The following ZNF334 variants were observed in gnomAD, a reference collection of about 807,000 sequenced individuals.
The protein encoded by ZNF334 is zinc finger protein 334.
In ZNF334, 14 loss-of-function variants were observed where a neutral mutation model predicts 12.4. The observed-to-expected ratio is 1.13, with a 90% CI of 0.74 to 1.76. The LOEUF (loss-of-function observed/expected upper bound fraction) is 1.76, where lower values mean the gene tolerates loss of function less well. Among genes scored for constraint, ZNF334 ranks in the 40% most tolerant of loss-of-function variants. The pLI is 0.00. For missense variants in ZNF334, 797 were observed against 804.5 expected (o/e 0.99, Z 0.11); for synonymous variants, 273 against 269.6 (o/e 1.01, Z -0.12).
chr20:46,504,642 C>G lies in ZNF334; in HGVS notation c.120G>C (p.Leu40=). Reference sequence around the variant, plus strand: ...CAGAGACCAAGTTGCTGTAGTTCTCCAGCATCACATCCCTGTACAGGAGCC... The same window carrying G: ...CAGAGACCAAGTTGCTGTAGTTCTCGAGCATCACATCCCTGTACAGGAGCC... ...AQRLLYRDVM[L]ENYSNLVSVG... The change falls in exon 3 of 5, where the codon CTG becomes CTC. Residue 40 remains leucine (L), a synonymous_variant. Transcript: ENST00000692313. The G allele has an allele frequency of 6.2e-7, 1 of 1,605,536 alleles. No homozygotes were observed. The highest frequency in any genetic ancestry group is 8.5e-7 in the Non-Finnish European group (1 of 1,177,300).
the ZNF334 span, among the ~76,000 whole-genome samples, chr20:46,487,034 T>C: frequency 6.6e-6 from 1 of 152,282 alleles, no homozygotes; most frequent in East Asian, 1.9e-4. Context: ...TTTTTTGGTT[T>C]AAAATGTACG....
intron 2 of ZNF334, chr20:46,506,313 T>C (rs1384463179): frequency 7.7e-6 from 5 of 652,908 alleles, no homozygotes; most frequent in African/African-American, 1.8e-5. Context: ...TTACCTTTTA[T>C]GTAAGAAAGG....
At chr20:46,474,399 A>C in the ZNF334 span, 1 of 151,952 alleles carries the variant, frequency 6.6e-6, no homozygotes, top group African/African-American at 2.4e-5. Context: ...AAAAAAATGG[A>C]AATCAGAGTC....
Position 46,502,631 on chromosome 20 carries a change from T to G in ZNF334, c.708A>C (p.Pro236=). 1 of 1,613,018 alleles carries G rather than the reference T, an allele frequency of 6.2e-7. No individual in the cohort carries two copies. Among genetic ancestry groups the G allele is most frequent in the Non-Finnish European group, 8.5e-7 (1 of 1,180,018 alleles). Residue 236 remains proline, a synonymous_variant, in exon 5 of 5, where the codon CCA becomes CCC. Transcript: ENST00000692313. ...TTTTCCTACATTCATTACATTCATTTGGTTTCCTTTCAGTCTGTCTCCCCT... is the reference window on the plus strand; with the variant it reads ...TTTTCCTACATTCATTACATTCATTGGGTTTCCTTTCAGTCTGTCTCCCCT... ...TQKGRQTERK[P]NECNECRKTF...
chr20:46,509,840 T>C (rs1032195911), intron 2 of ZNF334: 1 of 602,754 alleles, frequency 1.7e-6, no homozygotes, highest in Non-Finnish European at 3.0e-6. Flanking sequence ...TGCATCCCAA[T>C]ATAGCTCCTA....
At chr20:46,503,851 T>TAAA (rs1051684080) in intron 4 of ZNF334, among the ~76,000 whole-genome samples, 1 of 152,082 alleles carries the variant, frequency 6.6e-6, no homozygotes, top group Admixed American at 6.5e-5. Flanking sequence ...GGAAGACAAT[T>TAAA]AAAAAGATCA....
At chr20:46,504,497 G>C (rs1383137594) in intron 3 of ZNF334, 117 bp downstream of exon 3, 1 of 1,352,982 alleles carries the variant, frequency 7.4e-7, no homozygotes. Context: ...GTCTAAAAGG[G>C]TTTAATCTTC....
downstream of ZNF334, among the ~76,000 whole-genome samples, chr20:46,498,903 G>A (rs951449133): frequency 4.6e-5 from 7 of 151,976 alleles, no homozygotes; most frequent in African/African-American, 7.3e-5. Flanking sequence ...GGCCGGGCGC[G>A]GTGGCTCACG....
downstream of ZNF334, among the ~76,000 whole-genome samples, chr20:46,499,461 T>C (rs2061082716): frequency 6.6e-6 from 1 of 152,216 alleles, no homozygotes; most frequent in Non-Finnish European, 1.5e-5. Context: ...TTTATTAAAC[T>C]AGTTTTGATT....
chr20:46,502,094 A>G lies in ZNF334; in HGVS notation c.1245T>C (p.Phe415=). ...GATGCACATTGAGGGCAGATTGACA[A>G]AAGAAGGTTTTCTCACATTCACTAC... is the stretch of plus-strand genomic sequence containing the variant. ...YECSECEKTF[F]CQSALNVHRR... Residue 415 remains phenylalanine, a synonymous_variant, in exon 5 of 5, where the codon TTT becomes TTC. Transcript: ENST00000692313. 2 of 1,614,184 alleles carry G rather than the reference A, an allele frequency of 1.2e-6. No homozygotes were observed. The highest frequency in any genetic ancestry group is 1.7e-6 in the Non-Finnish European group (2 of 1,180,024).
the ZNF334 span, chr20:46,464,767 G>C: frequency 3.9e-6 from 2 of 515,970 alleles, no homozygotes; most frequent in Non-Finnish European, 7.9e-6. Flanking sequence ...CGCTGCAGTA[G>C]AGTTGCCCAG....
chr20:46,509,883 G>T (rs1371978656), intron 2 of ZNF334: 2 of 586,684 alleles, frequency 3.4e-6, no homozygotes, highest in East Asian at 5.6e-5. Flanking sequence ...ATATGGGTCT[G>T]GCAGAGTTGA....
the ZNF334 span, chr20:46,464,012 C>A: frequency 1.6e-6 from 1 of 633,066 alleles, no homozygotes; most frequent in South Asian, 1.4e-5. Flanking sequence ...TCACCCAGCT[C>A]AAAGGTGACA....
intron 4 of ZNF334, among the ~76,000 whole-genome samples, chr20:46,503,360 C>A (rs1055799560): frequency 9.9e-5 from 15 of 152,154 alleles, no homozygotes; most frequent in African/African-American, 3.1e-4. Context: ...AATACAAGTA[C>A]CTTTGACACT....
chr20:46,467,638 A>C, the ZNF334 span, among the ~76,000 whole-genome samples: 4 of 152,232 alleles, frequency 2.6e-5, no homozygotes, highest in South Asian at 6.2e-4. Flanking sequence ...AATTAACTGC[A>C]CAGTGCATTG....
At chr20:46,490,666 A>C in the ZNF334 span, among the ~76,000 whole-genome samples, 6 of 152,210 alleles carry the variant, frequency 3.9e-5, no homozygotes, top group Non-Finnish European at 8.8e-5. Context: ...TTGTACGTGG[A>C]GAAACAATTC....
the ZNF334 span, among the ~76,000 whole-genome samples, chr20:46,468,459 T>C: frequency 6.8e-6 from 1 of 147,200 alleles, no homozygotes; most frequent in Non-Finnish European, 1.5e-5. Context: ...TTTTTTTTGG[T>C]ATTTTTGTAG....
Position 46,502,414 on chromosome 20 carries a change from T to A in ZNF334, c.925A>T (p.Ile309Phe), listed in dbSNP as rs2061238114. 1 of 1,614,148 alleles carries A rather than the reference T, an allele frequency of 6.2e-7. No homozygotes were observed. The highest frequency in any genetic ancestry group is 8.5e-7 in the Non-Finnish European group (1 of 1,180,010). Residue 309 changes from isoleucine (I) to phenylalanine (F), a missense_variant, in exon 5 of 5, where the codon ATT becomes TTT. Transcript: ENST00000692313. ...CCTCCATGAATTTTCTGGTGTACAATAAGGGCAGATTTGTCAATGAAGGTT... is the reference window on the plus strand; with the variant it reads ...CCTCCATGAATTTTCTGGTGTACAAAAAGGGCAGATTTGTCAATGAAGGTT... Reference protein sequence around the residue: ...RKTFIDKSALIVHQKIHGGEK... With the variant: ...RKTFIDKSALFVHQKIHGGEK...
At chr20:46,505,947 C>T (rs1414187851) in intron 2 of ZNF334, 4 of 157,746 alleles carry the variant, frequency 2.5e-5, no homozygotes, top group Non-Finnish European at 5.6e-5. Flanking sequence ...TCCTACATAA[C>T]GGGAGGCAAG....
Sources: gnomAD v4.1 joint callset for allele counts (sites outside exome capture counted in the v4.1 genomes callset) on GRCh38, gnomAD v4.1.1 for gene constraint, MANE v1.5 for transcripts, NCBI Gene and HGNC (gene_info 2026-07-23, HGNC 2026-07-21) for gene names.